B3GALT1: variants seen among roughly 807,000 people sequenced by gnomAD.
B3GALT1 encodes the protein UDP-Gal:betaGlcNAc beta 1,3-galactosyltransferase, polypeptide 1.
In B3GALT1, 10 loss-of-function variants were observed where a neutral mutation model predicts 23.2. That is an observed-to-expected ratio of 0.43 (90% CI 0.27 to 0.73). The LOEUF (loss-of-function observed/expected upper bound fraction) is 0.73, where lower values mean the gene tolerates loss of function less well. B3GALT1 is among the 30% of genes least tolerant of loss of function. The pLI is 0.21. For synonymous variants in B3GALT1, 156 were observed against 141.5 expected, an observed-to-expected ratio of 1.10 and a Z score of -0.73; for missense variants, 299 against 405.4, an observed-to-expected ratio of 0.74 and a Z score of 2.25.
At chr2:167,407,559 A>G (rs1305783534) in intron 1 of B3GALT1, among the ~76,000 whole-genome samples, 2 of 15,768 alleles carry the variant, frequency 1.3e-4, no homozygotes, top group African/African-American at 1.7e-4. Flanking sequence ...TGTTTTATTG[A>G]AAAGGTAAAA....
rs148866209 is a variant in B3GALT1 at position 167,521,968 on chromosome 2, A to ATG, written c.-410+31707_-410+31708dup. On this transcript the variant is annotated intron_variant, in intron 2 of 4. Transcript: ENST00000392690. ...ATGAAAATAGACATTACCAACATAT[A>ATG]TGTGTGTGTGTGTGTGTATATATAT... Among the ~76,000 whole-genome samples, 378 of 138,854 alleles carry ATG rather than the reference A, an allele frequency of 2.7e-3. 4 individuals carry two copies. Among genetic ancestry groups the ATG allele is most frequent in the Admixed American group, 0.015 (205 of 13,520 alleles). The allele number at this position is 138,854 out of a possible 152,430, so 91.1% of individuals were successfully genotyped here.
At chr2:167,656,423 C>G (rs556260500) in intron 3 of B3GALT1, among the ~76,000 whole-genome samples, 1 of 152,180 alleles carries the variant, frequency 6.6e-6, no homozygotes, top group South Asian at 2.1e-4. Context: ...TTTTCAGGAC[C>G]TTTTTTTCTT....
In B3GALT1 at chr2:167,869,361, A is replaced by G. The variant is rs1001779078; in HGVS notation, c.322A>G (p.Lys108Glu). Reference sequence around the variant, plus strand: ...GACGTGGGGGGATGAGAACAACTTTAAGGGGATCAAGATAGCCACCCTGTT... The same window carrying G: ...GACGTGGGGGGATGAGAACAACTTTGAGGGGATCAAGATAGCCACCCTGTT... ...RETWGDENNFKGIKIATLFLL... is the reference protein window; with the variant it reads ...RETWGDENNFEGIKIATLFLL... The change falls in exon 5 of 5, where the codon AAG becomes GAG. Residue 108 changes from lysine to glutamate, a missense_variant. Physicochemically the swap from Lys to Glu is moderately conservative, Grantham distance 56. Around this residue, in one of 3 missense-constraint regions of B3GALT1, gnomAD observed 162 missense variants for 184.1 expected, o/e 0.88. Coordinates refer to ENST00000392690, the MANE Select transcript of B3GALT1 (RefSeq NM_020981.4). This position sits in a 1 kb window ranked among gnomAD's most constrained non-coding sequence, Gnocchi z 6.4. 1 of 1,614,102 alleles carries G rather than the reference A, an allele frequency of 6.2e-7. No homozygotes were observed. The highest frequency in any genetic ancestry group is 1.3e-5 in the African/African-American group (1 of 75,050).
At chr2:167,582,440 C>G (rs563710091) in intron 2 of B3GALT1, among the ~76,000 whole-genome samples, 3 of 152,278 alleles carry the variant, frequency 2.0e-5, no homozygotes, top group African/African-American at 7.2e-5. Flanking sequence ...AATATAGTGT[C>G]TATTCTCTAA....
chr2:167,468,066 G>C (rs556296315), intron 1 of B3GALT1, among the ~76,000 whole-genome samples: 1 of 152,188 alleles, frequency 6.6e-6, no homozygotes, highest in African/African-American at 2.4e-5. Flanking sequence ...TGTTCAGTAG[G>C]AGTCTCCAAG....
intron 1 of B3GALT1, among the ~76,000 whole-genome samples, chr2:167,361,347 T>G (rs780036795): frequency 1.3e-5 from 2 of 151,920 alleles, no homozygotes; most frequent in Non-Finnish European, 2.9e-5. Context: ...ATGGGGAGTA[T>G]ATGACCAGTC....
intron 4 of B3GALT1, among the ~76,000 whole-genome samples, chr2:167,842,816 G>A (rs1689677368): frequency 6.6e-6 from 1 of 152,158 alleles, no homozygotes; most frequent in South Asian, 2.1e-4. Flanking sequence ...GGAGGTTGCA[G>A]TGAGTAGGAT....
At chr2:167,504,806 G>T (rs1699896752) in intron 2 of B3GALT1, among the ~76,000 whole-genome samples, 1 of 152,146 alleles carries the variant, frequency 6.6e-6, no homozygotes, top group Non-Finnish European at 1.5e-5. Context: ...TGCAGTACAG[G>T]TTTGTAGCCT....
chr2:167,648,272 A>G (rs1685791465), intron 3 of B3GALT1, among the ~76,000 whole-genome samples: 1 of 152,158 alleles, frequency 6.6e-6, no homozygotes, highest in African/African-American at 2.4e-5. Context: ...ATAAAGGATA[A>G]TGTCCAAACT....
intron 1 of B3GALT1, among the ~76,000 whole-genome samples, chr2:167,480,082 C>T (rs565936103): frequency 6.6e-6 from 1 of 152,216 alleles, no homozygotes; most frequent in South Asian, 2.1e-4. Context: ...GTTCTACAGT[C>T]ATGATGTTAA....
chr2:167,422,466 C>T (rs942703787), intron 1 of B3GALT1, among the ~76,000 whole-genome samples: 1 of 152,154 alleles, frequency 6.6e-6, no homozygotes, highest in Non-Finnish European at 1.5e-5. Context: ...TTTTGACTTG[C>T]AAGTTGCTGA....
rs201192442 is a variant in B3GALT1 at position 167,512,619 on chromosome 2, TAC to T, written c.-410+22343_-410+22344del. ...GTATATATATATATGTATATATATA[TAC>T]GTGTATATATATATACATATATATA... On this transcript the variant is annotated intron_variant, in intron 2 of 4. Transcript: ENST00000392690. Among the ~76,000 whole-genome samples the T allele has an allele frequency of 4.7e-3, 386 of 81,366 alleles. 13 individuals carry two copies. The highest frequency in any genetic ancestry group is 0.027 in the African/African-American group (346 of 12,856). 53.4% of individuals were successfully genotyped at this position (81,366 alleles called of 152,430 possible).
chr2:167,335,428 G>A (rs1006960073), intron 1 of B3GALT1, among the ~76,000 whole-genome samples: 1 of 152,084 alleles, frequency 6.6e-6, no homozygotes, highest in Admixed American at 6.6e-5. Context: ...GTTTATTAAG[G>A]AAGTAAAAGA....
At chr2:167,365,783 G>C (rs982504097) in intron 1 of B3GALT1, among the ~76,000 whole-genome samples, 1 of 152,052 alleles carries the variant, frequency 6.6e-6, no homozygotes, top group Admixed American at 6.6e-5. Flanking sequence ...CACACCTACT[G>C]ATACAGCACA....
chr2:167,297,562 A>G (rs1696371578), intron 1 of B3GALT1, among the ~76,000 whole-genome samples: 1 of 152,138 alleles, frequency 6.6e-6, no homozygotes, highest in Admixed American at 6.5e-5. Flanking sequence ...CAGTCCAATT[A>G]CAGATCAAAC....
At chr2:167,548,882 T>A (rs1307241827) in intron 2 of B3GALT1, among the ~76,000 whole-genome samples, 2 of 152,214 alleles carry the variant, frequency 1.3e-5, no homozygotes, top group East Asian at 1.9e-4. Context: ...TTGTCTTTTT[T>A]AACTAATATT....
intron 3 of B3GALT1, among the ~76,000 whole-genome samples, chr2:167,693,683 TCTA>T (rs1427789246): frequency 6.6e-6 from 1 of 152,126 alleles, no homozygotes; most frequent in African/African-American, 2.4e-5. Flanking sequence ...GTCTACACTT[TCTA>T]AATTTGACGT....
chr2:167,597,412 G>A (rs1254863946), intron 2 of B3GALT1, among the ~76,000 whole-genome samples: 1 of 152,154 alleles, frequency 6.6e-6, no homozygotes, highest in East Asian at 1.9e-4. Context: ...ACCATGCCCA[G>A]CCCATTGTCA....
chr2:167,679,286 T>G (rs1686486574), intron 3 of B3GALT1, among the ~76,000 whole-genome samples: 1 of 152,144 alleles, frequency 6.6e-6, no homozygotes, highest in Admixed American at 6.6e-5. Context: ...ACCTGGCTAA[T>G]TTTTGTATTA....
Sources: allele counts gnomAD v4.1 joint callset (sites outside exome capture counted in the v4.1 genomes callset), GRCh38; gene constraint gnomAD v4.1.1; regional missense constraint gnomAD v4.1.1; non-coding constraint Gnocchi (gnomAD v3.1); transcripts MANE v1.5; gene names NCBI Gene and HGNC (gene_info 2026-07-23, HGNC 2026-07-21).